HSPA4L: variants seen among roughly 807,000 people sequenced by gnomAD.
HSPA4L encodes heat shock 70 kDa protein 4L.
Under a neutral mutation model 100.3 loss-of-function variants are expected in HSPA4L, and 48 were observed. The ratio of observed to expected loss-of-function variants is 0.48; its 90% confidence interval spans 0.38 to 0.61. HSPA4L has a LOEUF of 0.61. HSPA4L is among the 20% of genes least tolerant of loss of function. HSPA4L has a pLI of 0.00. For missense variants in HSPA4L, 886 were observed against 988.6 expected (o/e 0.90, Z 1.39); for synonymous variants, 319 against 328.2 (o/e 0.97, Z 0.30).
intron 5 of HSPA4L, 70 bp from the exon 6 acceptor site, chr4:127,801,715 C>A: frequency 2.3e-6 from 3 of 1,299,234 alleles, no homozygotes; most frequent in South Asian, 3.0e-5. Context: ...AGTACAGTAT[C>A]AAAGTGACAT....
In HSPA4L at chr4:127,805,687, T is replaced by C. The variant is rs775179109; in HGVS notation, c.1138T>C (p.Cys380Arg). The C allele has an allele frequency of 3.1e-6, 5 of 1,605,086 alleles. No individual in the cohort carries two copies. In the South Asian group the frequency reaches 4.4e-5, roughly 14 times the overall value. ...EAVARGCALQ[C>R]AILSPAFKVR... ...AATATGGTATACATCTTATTTTCAGTGTGCGATTCTCTCACCAGCATTTAA... is the reference window on the plus strand; with the variant it reads ...AATATGGTATACATCTTATTTTCAGCGTGCGATTCTCTCACCAGCATTTAA... The change falls in exon 10 of 19, where the codon TGT (cysteine) becomes CGT (arginine). Residue 380 changes from cysteine (C) to arginine (R), a missense_variant and splice_region_variant. Transcript: ENST00000296464.
intron 2 of HSPA4L, among the ~76,000 whole-genome samples, chr4:127,795,311 A>C (rs1732987318): frequency 6.6e-6 from 1 of 152,150 alleles, no homozygotes; most frequent in Admixed American, 6.5e-5. Context: ...CCAAATCCTG[A>C]AATCCAAAAT....
In HSPA4L at chr4:127,836,550, A is replaced by G. The variant is rs1482450015; in HGVS notation, c.*3676A>G. 2 of 151,942 alleles carry G rather than the reference A, an allele frequency of 1.3e-5. No individual in the cohort carries two copies. Among genetic ancestry groups the G allele is most frequent in the East Asian group, 3.9e-4 (2 of 5,194 alleles). The allele number at this position is 151,942 out of a possible 1,614,324, so 9.4% of individuals were successfully genotyped here. ...GGAGGGAGGCGTCAATTTTTAGTAT[A>G]TTTGTGATTAATTCCATGATAGAAG... is the stretch of plus-strand genomic sequence containing the variant. On this transcript the variant is annotated 3_prime_UTR_variant, in exon 19 of 19. Coordinates refer to ENST00000296464, the MANE Select transcript of HSPA4L (RefSeq NM_014278.4).
chr4:127,804,038 C>T lies in HSPA4L; in HGVS notation c.936C>T (p.Ser312=). The T allele has an allele frequency of 1.2e-6, 2 of 1,613,960 alleles. No homozygotes were observed. Among genetic ancestry groups the T allele is most frequent in the Non-Finnish European group, 1.7e-6 (2 of 1,179,956 alleles). Residue 312 remains serine, a synonymous_variant, in exon 8 of 19, where the codon TCC becomes TCT. Coordinates refer to ENST00000296464, the MANE Select transcript of HSPA4L (RefSeq NM_014278.4). ...CTCAATTTGAACAACTGTGTGCTTC[C>T]CTTTTGGCCAGGGTTGAACCACCTT... The part of the protein sequence containing the change: ...NRAQFEQLCA[S]LLARVEPPLK...
chr4:127,781,999 C>A, upstream of HSPA4L: 1 of 450,712 alleles, frequency 2.2e-6, no homozygotes, highest in Admixed American at 2.4e-5. Flanking sequence ...CGGCCGGTCG[C>A]CTGCCTCTCA....
intron 17 of HSPA4L, among the ~76,000 whole-genome samples, chr4:127,828,387 A>C (rs893392047): frequency 1.3e-5 from 2 of 152,080 alleles, no homozygotes; most frequent in African/African-American, 4.8e-5. Context: ...CTTTATGTGG[A>C]TTATCTCACC....
intron 1 of HSPA4L, among the ~76,000 whole-genome samples, chr4:127,792,327 C>T (rs892594936): frequency 6.6e-6 from 1 of 152,068 alleles, no homozygotes; most frequent in Admixed American, 6.6e-5. Flanking sequence ...TGGCTGAGTC[C>T]AAATTATATT....
chr4:127,786,510 G>A (rs181265228), intron 1 of HSPA4L, among the ~76,000 whole-genome samples: 1 of 152,226 alleles, frequency 6.6e-6, no homozygotes, highest in East Asian at 1.9e-4. Context: ...CTGTTGCCCA[G>A]GCTGGAGTAC....
At chr4:127,789,592 G>A (rs1048016504) in intron 1 of HSPA4L, among the ~76,000 whole-genome samples, 21 of 151,754 alleles carry the variant, frequency 1.4e-4, no homozygotes, top group Admixed American at 1.0e-3. Flanking sequence ...AGGTTGCAGT[G>A]AGCTGAGACT....
rs116212166 is a variant in HSPA4L at position 127,791,636 on chromosome 4, G to A, written c.108-2441G>A. 2.5e-3 allele frequency among the ~76,000 whole-genome samples: 378 copies of A among 152,174 alleles called. 5 individuals carry two copies. The highest frequency in any genetic ancestry group is 2.5e-3 in the Non-Finnish European group (170 of 67,998). ...TCTTCTTTCTTCTTGTGTCCCAGCT[G>A]TCACCATCCTGATATAGACTACTGG... On this transcript the variant is annotated intron_variant, in intron 1 of 18. Transcript: ENST00000296464.
intron 10 of HSPA4L, among the ~76,000 whole-genome samples, chr4:127,806,479 C>A (rs565628683): frequency 3.3e-5 from 5 of 152,032 alleles, no homozygotes; most frequent in Non-Finnish European, 2.9e-5. Flanking sequence ...TAAAAGGATA[C>A]TGGTTTATAT....
chr4:127,814,754 A>G (rs1419068782), intron 12 of HSPA4L, among the ~76,000 whole-genome samples: 1 of 152,028 alleles, frequency 6.6e-6, no homozygotes, highest in African/African-American at 2.4e-5. Context: ...TTTAGAAGAG[A>G]TGGGATTTCA....
chr4:127,818,849 A>G (rs965443439), intron 13 of HSPA4L, among the ~76,000 whole-genome samples: 4 of 151,896 alleles, frequency 2.6e-5, no homozygotes, highest in Non-Finnish European at 1.5e-5. Flanking sequence ...GTGTACCTAT[A>G]TAACCTGCAC....
Position 127,811,593 on chromosome 4 carries a change from T to C in HSPA4L, c.1535T>C (p.Met512Thr). Residue 512 changes from methionine to threonine, a missense_variant, in exon 12 of 19, where the codon ATG becomes ACG. By Grantham distance (81) the Met-to-Thr change is moderately conservative. Transcript: ENST00000296464. ...GAAGGCGATCACAGTGATGCTCCAA[T>C]GGAGACAGAAACTTCATTTAAAAAT... is the stretch of plus-strand genomic sequence containing the variant. ...NLEGDHSDAPMETETSFKNEN... is the reference protein window; with the variant it reads ...NLEGDHSDAPTETETSFKNEN... 6.2e-7 allele frequency: 1 copy of C among 1,613,928 alleles called. No homozygotes were observed. The highest frequency in any genetic ancestry group is 8.5e-7 in the Non-Finnish European group (1 of 1,179,948).
Position 127,838,103 on chromosome 4 carries a change from A to G in HSPA4L, c.*5229A>G, listed in dbSNP as rs1468116180. 1 of 152,194 alleles carries G rather than the reference A, an allele frequency of 6.6e-6. No homozygotes were observed. The highest frequency in any genetic ancestry group is 1.5e-5 in the Non-Finnish European group (1 of 68,036). The allele number at this position is 152,194 out of a possible 1,614,324, so 9.4% of individuals were successfully genotyped here. ...CAGGCGTGAGCCACCGCACCTGGCCAATGTTCTTTTATATACTCATGTTTT... is the reference window on the plus strand; with the variant it reads ...CAGGCGTGAGCCACCGCACCTGGCCGATGTTCTTTTATATACTCATGTTTT... On this transcript the variant is annotated 3_prime_UTR_variant, in exon 19 of 19. Transcript: ENST00000296464.
At chr4:127,802,029 A>C in intron 6 of HSPA4L, 111 bp downstream of exon 6, 1 of 720,944 alleles carries the variant, frequency 1.4e-6, no homozygotes, top group Non-Finnish European at 2.2e-6. Flanking sequence ...GACCTCAAGC[A>C]AGTTACTTAA....
At position 127,803,794 on chromosome 4, in the gene HSPA4L, A is replaced by C; in HGVS notation, c.829A>C (p.Met277Leu). ...GGAATGTGAAAAACTAAAGAAGCTA[A>C]TGAGTGCAAATGCATCAGATCTTCC... ...YQECEKLKKL[M>L]SANASDLPLN... Residue 277 changes from methionine (M) to leucine (L), a missense_variant, in exon 7 of 19, where the codon ATG becomes CTG. Met to Leu is a conservative substitution (Grantham distance 15). Coordinates refer to ENST00000296464, the MANE Select transcript of HSPA4L (RefSeq NM_014278.4). 1 of 1,613,912 alleles carries C rather than the reference A, an allele frequency of 6.2e-7. No individual in the cohort carries two copies. The highest frequency in any genetic ancestry group is 8.5e-7 in the Non-Finnish European group (1 of 1,179,870).
intron 15 of HSPA4L, 26 bp from the exon 16 acceptor site, chr4:127,823,491 T>C: frequency 1.4e-6 from 2 of 1,451,680 alleles, no homozygotes; most frequent in Non-Finnish European, 1.9e-6. Context: ...GTATTTTTAA[T>C]TAGTGTCTCT....
At chr4:127,802,895 C>G (rs967184819) in intron 6 of HSPA4L, among the ~76,000 whole-genome samples, 14 of 152,134 alleles carry the variant, frequency 9.2e-5, no homozygotes, top group African/African-American at 2.7e-4. Flanking sequence ...CACCACCCAC[C>G]TTATAATGAA....
Sources: allele counts gnomAD v4.1 joint callset (sites outside exome capture counted in the v4.1 genomes callset), GRCh38; gene constraint gnomAD v4.1.1; transcripts MANE v1.5; gene names NCBI Gene and HGNC (gene_info 2026-07-23, HGNC 2026-07-21).